The following VIPAS39 variants were observed in gnomAD, a reference collection of about 807,000 sequenced individuals.
VIPAS39 encodes the protein VPS33B interacting protein, apical-basolateral polarity regulator, spe-39 homolog.
Under a neutral mutation model 84.7 loss-of-function variants are expected in VIPAS39, and 63 were observed. The observed-to-expected ratio is 0.74, with a 90% confidence interval of 0.61 to 0.92. VIPAS39 has a LOEUF of 0.92. Ranked by LOEUF, VIPAS39 falls within the 40% of genes least tolerant of loss-of-function variation. The probability of loss-of-function intolerance (pLI) is 0.00; values close to 1 mark genes in which losing one functional copy is unlikely to be tolerated. For missense variants in VIPAS39, 499 were observed against 604.5 expected, an observed-to-expected ratio of 0.83 and a Z score of 1.83; for synonymous variants, 192 against 216.5, an observed-to-expected ratio of 0.89 and a Z score of 0.99.
At chr14:77,437,425 C>T (rs559222829) in intron 12 of VIPAS39, among the ~76,000 whole-genome samples, 5 of 152,060 alleles carry the variant, frequency 3.3e-5, no homozygotes, top group Non-Finnish European at 7.4e-5. Flanking sequence ...TGAAAAAATG[C>T]ATCAGGTCCC....
intron 10 of VIPAS39, 101 bp downstream of exon 10, chr14:77,442,459 C>T (rs2078717782): frequency 1.0e-6 from 1 of 987,668 alleles, no homozygotes; most frequent in African/African-American, 1.6e-5. Context: ...CCAAGCACTT[C>T]CAGGAAAAGG....
chr14:77,450,080 G>A (rs996512583), intron 4 of VIPAS39, among the ~76,000 whole-genome samples: 2 of 152,052 alleles, frequency 1.3e-5, no homozygotes, highest in Non-Finnish European at 2.9e-5. Flanking sequence ...ATCCCAAACT[G>A]AGACTCTCTA....
chr14:77,457,500 C>CCGCACAGAGCCCTCCCTCTCA lies in VIPAS39; in HGVS notation c.-27_-7dup. On this transcript the variant is annotated 5_prime_UTR_variant, in exon 1 of 20. Coordinates refer to ENST00000557658, the MANE Select transcript of VIPAS39 (RefSeq NM_001193315.2). Reference sequence around the variant, plus strand: ...GGGGCTTGGGACACCCTCACCTCTTCCGCACAGAGCCCTCCCTCTCAGGAC... The same window carrying CCGCACAGAGCCCTCCCTCTCA: ...GGGGCTTGGGACACCCTCACCTCTTCCGCACAGAGCCCTCCCTCTCACGCACAGAGCCCTCCCTCTCAGGAC... The CCGCACAGAGCCCTCCCTCTCA allele has an allele frequency of 9.4e-7, 1 of 1,069,088 alleles. No homozygotes were observed. The highest frequency in any genetic ancestry group is 1.4e-5 in the South Asian group (1 of 69,512). The allele number at this position is 1,069,088 out of a possible 1,614,324, so 66.2% of individuals were successfully genotyped here. A position where few individuals can be genotyped will look rare whatever the true frequency, so the allele number is the denominator to read the frequency against.
rs1057056447 is a variant in VIPAS39 at position 77,435,708 on chromosome 14, G to A, written c.912+136C>T. On this transcript the variant is annotated intron_variant, in intron 13 of 19. Transcript: ENST00000557658. Reference sequence around the variant, plus strand: ...AAAACAATGGAGGAAGGGGGCTATTGTGTACAGGCAGAAAATGAAAGGCTT... The same window carrying A: ...AAAACAATGGAGGAAGGGGGCTATTATGTACAGGCAGAAAATGAAAGGCTT... The A allele has an allele frequency of 1.2e-5, 12 of 1,006,904 alleles. No homozygotes were observed. In the Admixed American group the frequency reaches 1.7e-4, roughly 14 times the overall value. 62.4% of individuals were successfully genotyped at this position (1,006,904 alleles called of 1,614,324 possible). A position where few individuals can be genotyped will look rare whatever the true frequency, so the allele number is the denominator to read the frequency against.
At chr14:77,455,881 T>G (rs57942660) in intron 1 of VIPAS39, among the ~76,000 whole-genome samples, 6 of 152,336 alleles carry the variant, frequency 3.9e-5, no homozygotes, top group African/African-American at 1.4e-4. Flanking sequence ...AAAATCCTTT[T>G]CTGTATTTAA....
At chr14:77,434,137 A>T in intron 15 of VIPAS39, 125 bp downstream of exon 15, 10 of 1,242,584 alleles carry the variant, frequency 8.0e-6, no homozygotes, top group Non-Finnish European at 1.2e-5. Flanking sequence ...ACTTTCCCAA[A>T]CTCATTCCTT....
chr14:77,432,566 A>G (rs1219666724), intron 16 of VIPAS39, among the ~76,000 whole-genome samples: 2 of 152,222 alleles, frequency 1.3e-5, no homozygotes, highest in African/African-American at 4.8e-5. Flanking sequence ...TGGTACATAT[A>G]TACAATGGAA....
At chr14:77,428,899 C>A (rs2078473141) in intron 18 of VIPAS39, 107 bp downstream of exon 18, 6 of 1,031,804 alleles carry the variant, frequency 5.8e-6, no homozygotes. Context: ...TCCATTCAGT[C>A]AAACCTGGTG....
At chr14:77,429,154 C>A in intron 17 of VIPAS39, 59 bp from the exon 18 acceptor site, 1 of 1,510,764 alleles carries the variant, frequency 6.6e-7, no homozygotes, top group Non-Finnish European at 9.2e-7. Context: ...CAGAGCTCTA[C>A]AAGGTAGAAA....
intron 7 of VIPAS39, among the ~76,000 whole-genome samples, chr14:77,446,423 C>G (rs111351966): frequency 6.6e-6 from 1 of 152,146 alleles, no homozygotes; most frequent in Non-Finnish European, 1.5e-5. Flanking sequence ...CCTGCCTCAG[C>G]CTCCTGAGTA....
chr14:77,452,451 A>G (rs1440817961), intron 3 of VIPAS39, among the ~76,000 whole-genome samples: 1 of 151,808 alleles, frequency 6.6e-6, no homozygotes, highest in Non-Finnish European at 1.5e-5. Flanking sequence ...AGTATGGCCT[A>G]TTTTTTAAAA....
chr14:77,435,183 C>T (rs1052888781), intron 14 of VIPAS39, 76 bp downstream of exon 14: 5 of 1,601,572 alleles, frequency 3.1e-6, no homozygotes, highest in Middle Eastern at 1.7e-4. Flanking sequence ...TAATAGAGTA[C>T]ATAAAAGTAC....
intron 14 of VIPAS39, among the ~76,000 whole-genome samples, chr14:77,434,842 T>C (rs2078581671): frequency 6.7e-6 from 1 of 150,202 alleles, no homozygotes; most frequent in Non-Finnish European, 1.5e-5. Context: ...GAGGTTACAG[T>C]GAGCCAAGAT....
At chr14:77,432,964 A>G (rs1042948798) in intron 16 of VIPAS39, among the ~76,000 whole-genome samples, 3 of 152,160 alleles carry the variant, frequency 2.0e-5, no homozygotes. Context: ...TTCACTATGT[A>G]TATGTAGATC....
At position 77,445,919 on chromosome 14, in the gene VIPAS39, G is replaced by A. The variant is rs1428175148; in HGVS notation, c.505-1578C>T. On this transcript the variant is annotated intron_variant, in intron 7 of 19. Coordinates refer to ENST00000557658, the MANE Select transcript of VIPAS39 (RefSeq NM_001193315.2). The stretch of plus-strand genomic sequence containing the variant: ...CGCACCACTGCACTCCAGCCCGGGC[G>A]ACAGAAGGAGACTCCATCTCAAAAA... Among the ~76,000 whole-genome samples, 23 of 144,412 alleles carry A rather than the reference G, an allele frequency of 1.6e-4. 1 individual carries two copies. The highest frequency in any genetic ancestry group is 5.1e-4 in the African/African-American group (20 of 38,962). 94.7% of individuals were successfully genotyped at this position (144,412 alleles called of 152,430 possible). A position where few individuals can be genotyped will look rare whatever the true frequency, so the allele number is the denominator to read the frequency against.
At chr14:77,447,351 T>A (rs1293358307) in intron 7 of VIPAS39, among the ~76,000 whole-genome samples, 3 of 151,430 alleles carry the variant, frequency 2.0e-5, no homozygotes, top group Non-Finnish European at 4.4e-5. Context: ...TTTTTTTTTT[T>A]ATCATTTGTA....
chr14:77,445,370 T>C (rs2078772208), intron 7 of VIPAS39, among the ~76,000 whole-genome samples: 1 of 152,334 alleles, frequency 6.6e-6, no homozygotes. Context: ...TGGTCAACTC[T>C]TGTGCCAATT....
chr14:77,443,165 A>G lies in VIPAS39; in HGVS notation c.598-13T>C. On this transcript the variant is annotated splice_polypyrimidine_tract_variant and intron_variant, in intron 8 of 19. Coordinates refer to ENST00000557658, the MANE Select transcript of VIPAS39 (RefSeq NM_001193315.2). Reference sequence around the variant, plus strand: ...GGAAAATCAGAACCTACAGGAAAAAAGAACAAAGACTGTGCAAACTTTCCA... The same window carrying G: ...GGAAAATCAGAACCTACAGGAAAAAGGAACAAAGACTGTGCAAACTTTCCA... 2 of 1,614,188 alleles carry G rather than the reference A, an allele frequency of 1.2e-6. No individual in the cohort carries two copies. The highest frequency in any genetic ancestry group is 1.7e-6 in the Non-Finnish European group (2 of 1,180,028).
At chr14:77,432,942 C>T (rs769670930) in intron 16 of VIPAS39, among the ~76,000 whole-genome samples, 1 of 152,036 alleles carries the variant, frequency 6.6e-6, no homozygotes, top group Non-Finnish European at 1.5e-5. Flanking sequence ...ATTGGCATGA[C>T]TGTATAATCA....
Sources: allele counts gnomAD v4.1 joint callset (sites outside exome capture counted in the v4.1 genomes callset), GRCh38; gene constraint gnomAD v4.1.1; transcripts MANE v1.5; gene names NCBI Gene and HGNC (gene_info 2026-07-23, HGNC 2026-07-21).